RERE: variants seen among roughly 807,000 people sequenced by gnomAD.
RERE encodes arginine-glutamic acid dipeptide repeats protein.
Under a neutral mutation model 146.1 loss-of-function variants are expected in RERE, and 40 were observed. That is an observed-to-expected ratio of 0.27 (90% CI 0.21 to 0.36). The LOEUF is 0.36. RERE is among the 10% of genes least tolerant of loss of function. The pLI, the probability that RERE is intolerant of heterozygous loss-of-function variation, is 1.00. For missense variants in RERE, 1,933 were observed against 2,138.7 expected (o/e 0.90, Z 1.90); for synonymous variants, 1,003 against 866.0 (o/e 1.16, Z -2.78).
intron 2 of RERE, among the ~76,000 whole-genome samples, chr1:8,630,036 A>C (rs1298566435): frequency 6.6e-6 from 1 of 152,088 alleles, no homozygotes; most frequent in African/African-American, 2.4e-5. Flanking sequence ...TGACTCCTCC[A>C]CCCTCAATGC....
At chr1:8,398,483 A>G (rs1429083066) in intron 12 of RERE, among the ~76,000 whole-genome samples, 1 of 152,260 alleles carries the variant, frequency 6.6e-6, no homozygotes, top group African/African-American at 2.4e-5. Context: ...GTGTAAAATA[A>G]GATCCTCTTC....
At chr1:8,461,853 AT>A (rs901694575) in intron 11 of RERE, among the ~76,000 whole-genome samples, 15 of 151,770 alleles carry the variant, frequency 9.9e-5, no homozygotes, top group Non-Finnish European at 1.8e-4. Context: ...TATTATTATT[AT>A]TTTTTTTGGA....
chr1:8,427,899 G>A (rs1644039095), intron 11 of RERE, among the ~76,000 whole-genome samples: 3 of 152,204 alleles, frequency 2.0e-5, no homozygotes, highest in Middle Eastern at 6.8e-3. Context: ...TAAATTCATC[G>A]CTCTTCAAAT....
intron 1 of RERE, among the ~76,000 whole-genome samples, chr1:8,731,520 G>A (rs1375174104): frequency 2.0e-5 from 3 of 151,894 alleles, no homozygotes; most frequent in Non-Finnish European, 4.4e-5. Context: ...CTAAAAAACT[G>A]AGATTTAATA....
At chr1:8,554,083 A>C (rs1158928624) in intron 6 of RERE, among the ~76,000 whole-genome samples, 1 of 152,106 alleles carries the variant, frequency 6.6e-6, no homozygotes, top group East Asian at 1.9e-4. Context: ...AGACTGAGGT[A>C]GGAGAATGAA....
chr1:8,703,524 C>T (rs2124443922), intron 1 of RERE, among the ~76,000 whole-genome samples: 1 of 152,254 alleles, frequency 6.6e-6, no homozygotes, highest in East Asian at 1.9e-4. Context: ...GGCGCGCGCA[C>T]ACACAATGCC....
chr1:8,530,971 G>A (rs1033365879), intron 7 of RERE, among the ~76,000 whole-genome samples: 7 of 152,024 alleles, frequency 4.6e-5, no homozygotes, highest in Non-Finnish European at 1.0e-4. Flanking sequence ...GATTACAGGC[G>A]TGAGCCACCG....
intron 10 of RERE, among the ~76,000 whole-genome samples, chr1:8,479,357 T>C (rs2124174450): frequency 6.6e-6 from 1 of 152,108 alleles, no homozygotes; most frequent in African/African-American, 2.4e-5. Flanking sequence ...TAATATTTTA[T>C]ATAATAGTCA....
intron 10 of RERE, among the ~76,000 whole-genome samples, chr1:8,475,696 A>AAAAAG (rs902205635): frequency 6.6e-6 from 1 of 152,158 alleles, no homozygotes; most frequent in Non-Finnish European, 1.5e-5. Flanking sequence ...AGAAAAAAAA[A>AAAAAG]AAAAGAAAAG....
chr1:8,780,686 A>AT (rs1162626165), intron 1 of RERE, among the ~76,000 whole-genome samples: 1 of 152,240 alleles, frequency 6.6e-6, no homozygotes, highest in Non-Finnish European at 1.5e-5. Flanking sequence ...ATGGAACAGG[A>AT]TGCTTACCTC....
rs548644206 is a variant in RERE at position 8,627,341 on chromosome 1, T to TA, written c.326-2962dup. ...TAATGTCTGCCATTAGTGTGGGGGT[T>TA]AAAAAAAATAAAAAATAAAAAATAA... On this transcript the variant is annotated intron_variant, in intron 2 of 22. Coordinates refer to ENST00000400908, the MANE Select transcript of RERE (RefSeq NM_001042681.2). 9.9e-5 allele frequency among the ~76,000 whole-genome samples: 15 copies of TA among 151,380 alleles called. No individual in the cohort carries two copies. In the South Asian group the frequency reaches 2.3e-3, roughly 23 times the overall value.
chr1:8,520,754 T>TAAAAAAAAA (rs145670197), intron 7 of RERE, among the ~76,000 whole-genome samples: 15 of 92,988 alleles, frequency 1.6e-4, no homozygotes, highest in East Asian at 1.5e-3. Context: ...AAAAACTTTT[T>TAAAAAAAAA]AAAAAAAAAA....
chr1:8,383,969 A>G (rs1642547319), intron 12 of RERE, among the ~76,000 whole-genome samples: 1 of 152,234 alleles, frequency 6.6e-6, no homozygotes, highest in South Asian at 2.1e-4. Context: ...TGTGGGGCTC[A>G]CTAGAGTGTC....
In RERE at chr1:8,656,094, T is replaced by C. The variant is rs775007278; in HGVS notation, c.204A>G (p.Ala68=). The C allele has an allele frequency of 2.1e-5, 34 of 1,614,054 alleles. 1 individual carries two copies. In the South Asian group the frequency reaches 3.5e-4, roughly 17 times the overall value. Residue 68 remains alanine (A), a synonymous_variant, in exon 2 of 23, where the codon GCA becomes GCG. Transcript: ENST00000400908. ...TCTTATTCTTCTTCGTGGACTCCTC[T>C]GCGGTGGCACTATTGTTGTCATTGT... ...DEDNDNNSAT[A]EESTKKNKKK... is the part of the protein sequence containing the mutation.
intron 4 of RERE, among the ~76,000 whole-genome samples, chr1:8,607,621 C>T (rs1393440385): frequency 7.9e-6 from 1 of 127,278 alleles, no homozygotes; most frequent in Admixed American, 1.0e-4. Flanking sequence ...TCTTGGCTCA[C>T]TGTAACCTTG....
At chr1:8,596,510 T>C (rs892250145) in intron 4 of RERE, among the ~76,000 whole-genome samples, 1 of 152,154 alleles carries the variant, frequency 6.6e-6, no homozygotes, top group African/African-American at 2.4e-5. Context: ...ACTCTTTCTC[T>C]CTCTCTTTTA....
intron 1 of RERE, among the ~76,000 whole-genome samples, chr1:8,815,131 C>A (rs1354359351): frequency 6.6e-6 from 1 of 152,172 alleles, no homozygotes; most frequent in Non-Finnish European, 1.5e-5. Flanking sequence ...CATCCTTGGG[C>A]CACAGCTGGG....
At position 8,359,803 on chromosome 1, in the gene RERE, C is replaced by T. The variant is rs760266415; in HGVS notation, c.3579G>A (p.Glu1193=). The change falls in exon 19 of 23, where the codon GAG becomes GAA. Residue 1193 remains glutamate (E), a synonymous_variant. Coordinates refer to ENST00000400908, the MANE Select transcript of RERE (RefSeq NM_001042681.2). ...EREKEKEKER[E]REREREREAE... ...CCTCGCGCTCCCGCTCTCGCTCCCG[C>T]TCCCGCTCCTTCTCCTTCTCCTTCT... 1.2e-6 allele frequency: 2 copies of T among 1,604,864 alleles called. No individual in the cohort carries two copies. The highest frequency in any genetic ancestry group is 2.7e-5 in the African/African-American group (2 of 74,824).
intron 12 of RERE, among the ~76,000 whole-genome samples, chr1:8,414,055 C>CAAAAAAA (rs71580026): frequency 4.4e-5 from 4 of 91,712 alleles, no homozygotes; most frequent in East Asian, 3.2e-4. Flanking sequence ...AACTCCATCT[C>CAAAAAAA]AAAAAAAAAA....
Sources: allele counts gnomAD v4.1 joint callset (sites outside exome capture counted in the v4.1 genomes callset), GRCh38; gene constraint gnomAD v4.1.1; transcripts MANE v1.5; gene names NCBI Gene and HGNC (gene_info 2026-07-23, HGNC 2026-07-21).